ASXL3: variants seen among roughly 807,000 people sequenced by gnomAD.
ASXL3 encodes the protein putative Polycomb group protein ASXL3.
In ASXL3, 34 loss-of-function variants were observed where a neutral mutation model predicts 170.6. That is an observed-to-expected ratio of 0.20 (90% CI 0.15 to 0.27). The LOEUF (loss-of-function observed/expected upper bound fraction) is 0.27. ASXL3 is among the 10% of genes least tolerant of loss of function. The pLI, the probability that ASXL3 is intolerant of heterozygous loss-of-function variation, is 1.00. For synonymous variants in ASXL3, 1,002 were observed against 989.1 expected (o/e 1.01, Z -0.24); for missense variants, 2,592 against 2,695.3 (o/e 0.96, Z 0.85).
intron 8 of ASXL3, among the ~76,000 whole-genome samples, chr18:33,694,964 T>C (rs527776796): frequency 6.6e-6 from 1 of 152,298 alleles, no homozygotes; most frequent in South Asian, 2.1e-4. Flanking sequence ...CATCAGTGTA[T>C]ATATTTAAAG....
rs1297982117 is a variant in ASXL3, at chr18:33,744,257, C to T, written c.4409C>T (p.Pro1470Leu). ...FAPAAINRSIPCKVIVDHSTT... is the reference protein window; with the variant it reads ...FAPAAINRSILCKVIVDHSTT... Reference sequence around the variant, plus strand: ...CCAGCAGCCATAAACCGATCAATTCCGTGTAAAGTCATCGTTGACCACAGC... The same window carrying T: ...CCAGCAGCCATAAACCGATCAATTCTGTGTAAAGTCATCGTTGACCACAGC... The change falls in exon 12 of 12, where the codon CCG becomes CTG. Residue 1470 changes from proline to leucine, a missense_variant. Transcript: ENST00000269197. The T allele has an allele frequency of 3.1e-6, 5 of 1,613,848 alleles. No homozygotes were observed. Among genetic ancestry groups the T allele is most frequent in the African/African-American group, 1.3e-5 (1 of 74,932 alleles).
chr18:33,603,665 C>T (rs549367889), intron 1 of ASXL3, among the ~76,000 whole-genome samples: 3 of 152,048 alleles, frequency 2.0e-5, no homozygotes, highest in Middle Eastern at 3.4e-3. Flanking sequence ...GTGCACCAGC[C>T]GTGGAGAGTC....
At chr18:33,615,310 T>C (rs1295754568) in intron 2 of ASXL3, among the ~76,000 whole-genome samples, 1 of 152,150 alleles carries the variant, frequency 6.6e-6, no homozygotes, top group Middle Eastern at 3.2e-3. Flanking sequence ...TGCTAGCTTC[T>C]AACTTTTCTT....
At chr18:33,660,112 A>G (rs541329642) in intron 4 of ASXL3, among the ~76,000 whole-genome samples, 1 of 152,184 alleles carries the variant, frequency 6.6e-6, no homozygotes, top group South Asian at 2.1e-4. Context: ...CTTGAATCCC[A>G]TCTCTGCAGT....
chr18:33,644,990 C>T lies in ASXL3; in HGVS notation c.234C>T (p.Leu78=), dbSNP rs1484244858. ...TFFKIPGKSG[L]YALKKEESSC... is the part of the protein sequence containing the mutation. ...TCAAAATCCCTGGAAAGTCAGGCCTCTATGCTCTCAAAGTAAGTTGCATTG... is the reference window on the plus strand; with the variant it reads ...TCAAAATCCCTGGAAAGTCAGGCCTTTATGCTCTCAAAGTAAGTTGCATTG... Residue 78 remains leucine, a synonymous_variant, in exon 3 of 12, where the codon CTC becomes CTT. Transcript: ENST00000269197. The T allele has an allele frequency of 3.9e-6, 6 of 1,550,044 alleles. No individual in the cohort carries two copies. The highest frequency in any genetic ancestry group is 3.7e-5 in the Admixed American group (2 of 53,652).
intron 1 of ASXL3, among the ~76,000 whole-genome samples, chr18:33,594,783 G>C (rs1240780880): frequency 2.0e-5 from 3 of 152,036 alleles, no homozygotes; most frequent in Non-Finnish European, 2.9e-5. Flanking sequence ...ATGTTGACCA[G>C]GCTGGTCTCT....
At chr18:33,620,220 C>T (rs767760177) in intron 2 of ASXL3, among the ~76,000 whole-genome samples, 6 of 152,160 alleles carry the variant, frequency 3.9e-5, no homozygotes, top group Non-Finnish European at 8.8e-5. Flanking sequence ...TCTTCTCTAG[C>T]ATGTCTGCAG....
chr18:33,732,228 C>T (rs1453018686), intron 9 of ASXL3, among the ~76,000 whole-genome samples, 164 bp downstream of exon 9: 1 of 152,148 alleles, frequency 6.6e-6, no homozygotes, highest in Admixed American at 6.5e-5. Flanking sequence ...TTTTGTTATA[C>T]TTGACATTAT....
At chr18:33,680,206 A>G (rs778486481) in intron 7 of ASXL3, among the ~76,000 whole-genome samples, 5 of 152,000 alleles carry the variant, frequency 3.3e-5, no homozygotes, top group Non-Finnish European at 7.4e-5. Context: ...TTTTTTCTGT[A>G]ACGTGTAAAG....
intron 1 of ASXL3, among the ~76,000 whole-genome samples, chr18:33,584,735 G>A (rs1227086842): frequency 1.3e-5 from 2 of 152,100 alleles, no homozygotes; most frequent in African/African-American, 4.8e-5. Flanking sequence ...GACTATCCCA[G>A]TAACTGTCTC....
intron 11 of ASXL3, among the ~76,000 whole-genome samples, chr18:33,742,476 AAGAC>A (rs760307741): frequency 1.3e-5 from 2 of 152,170 alleles, no homozygotes; most frequent in African/African-American, 4.8e-5. Flanking sequence ...GGGTCAAATT[AAGAC>A]AGACAAACTC....
intron 9 of ASXL3, among the ~76,000 whole-genome samples, chr18:33,732,280 ACAT>A (rs371504132): frequency 1.3e-5 from 2 of 152,296 alleles, no homozygotes; most frequent in African/African-American, 4.8e-5. Flanking sequence ...TTTATCTTGG[ACAT>A]CATAAAATTT....
intron 5 of ASXL3, among the ~76,000 whole-genome samples, chr18:33,669,776 C>T (rs1203287127): frequency 1.3e-5 from 2 of 152,236 alleles, no homozygotes; most frequent in Middle Eastern, 3.4e-3. Flanking sequence ...CAGTATGAAG[C>T]CAGCCTTTTA....
chr18:33,741,275 G>T (rs1014120850), intron 11 of ASXL3, among the ~76,000 whole-genome samples: 2 of 152,126 alleles, frequency 1.3e-5, no homozygotes, highest in East Asian at 3.9e-4. Context: ...TTTATGTAAA[G>T]ATAGATAGAT....
chr18:33,723,337 C>T (rs574854279), intron 8 of ASXL3, among the ~76,000 whole-genome samples: 2 of 152,130 alleles, frequency 1.3e-5, no homozygotes, highest in East Asian at 3.9e-4. Context: ...ATTTGTGATT[C>T]GTGGGAGGAG....
intron 8 of ASXL3, among the ~76,000 whole-genome samples, chr18:33,709,292 T>A (rs1376271005): frequency 6.8e-6 from 1 of 147,634 alleles, no homozygotes; most frequent in Non-Finnish European, 1.5e-5. Context: ...AAATCATTGA[T>A]ATGTTTACCA....
chr18:33,718,745 C>T (rs1421960889), intron 8 of ASXL3, among the ~76,000 whole-genome samples: 1 of 151,356 alleles, frequency 6.6e-6, no homozygotes, highest in African/African-American at 2.4e-5. Context: ...ATATTTCTGC[C>T]CCTTTTGGCT....
rs77083191 is a variant in ASXL3, at chr18:33,708,200, A to G, written c.880-23768A>G. ...TGTGTAAGATTTATATCTTTTCAAC[A>G]TGTTAGGAAAACTATACTCGTAAAG... On this transcript the variant is annotated intron_variant, in intron 8 of 11. Coordinates refer to ENST00000269197, the MANE Select transcript of ASXL3 (RefSeq NM_030632.3). 7.3e-3 allele frequency among the ~76,000 whole-genome samples: 1,105 copies of G among 152,310 alleles called. 11 individuals carry two copies. Among genetic ancestry groups the G allele is most frequent in the Non-Finnish European group, 0.01 (701 of 68,014 alleles).
At chr18:33,717,937 A>C (rs1258411849) in intron 8 of ASXL3, among the ~76,000 whole-genome samples, 1 of 152,122 alleles carries the variant, frequency 6.6e-6, no homozygotes, top group Non-Finnish European at 1.5e-5. Context: ...TGTAGTATTG[A>C]TAACCCCTAA....
Sources: allele counts gnomAD v4.1 joint callset (sites outside exome capture counted in the v4.1 genomes callset), GRCh38; gene constraint gnomAD v4.1.1; transcripts MANE v1.5; gene names NCBI Gene and HGNC (gene_info 2026-07-23, HGNC 2026-07-21).